Variants in ZNF283 observed in about 807,000 individuals in gnomAD.
ZNF283 encodes the protein zinc finger protein 41.
Under a neutral mutation model 9.2 loss-of-function variants are expected in ZNF283, and 10 were observed. The observed-to-expected ratio is 1.09, with a 90% CI of 0.67 to 1.85. ZNF283 has a LOEUF of 1.85. Among genes scored for constraint, ZNF283 ranks in the 40% most tolerant of loss-of-function variants. The probability of loss-of-function intolerance (pLI) is 0.00; values close to 1 mark genes in which losing one functional copy is unlikely to be tolerated. For synonymous variants in ZNF283, 234 were observed against 244.1 expected (o/e 0.96, Z 0.38); for missense variants, 631 against 760.1 (o/e 0.83, Z 2.00).
rs1327864170 is a variant in ZNF283 at position 43,848,453 on chromosome 19, C to T, written c.1852C>T (p.Gln618Ter). ...TAGTGGCTATCAACTTAGTGTTCAT[C>T]AGAGATTTCATACTGGTGAGAAGCT... ...FGSGYQLSVH[Q>*]RFHTGEKLYQ... Residue 618 changes from glutamine to a stop codon, truncating the protein, a stop_gained, in exon 7 of 7, where the codon CAG becomes TAG. Coordinates refer to ENST00000618787, the MANE Select transcript of ZNF283 (RefSeq NM_181845.2). LOFTEE classifies it low-confidence loss of function (END_TRUNC). The T allele has an allele frequency of 1.2e-6, 2 of 1,613,646 alleles. No individual in the cohort carries two copies. Among genetic ancestry groups the T allele is most frequent in the African/African-American group, 2.7e-5 (2 of 74,878 alleles).
rs1390278108 is a variant in ZNF283 at position 43,848,642 on chromosome 19, T to C, written c.*1T>C. 6.5e-7 allele frequency: 1 copy of C among 1,536,886 alleles called. No individual in the cohort carries two copies. Among genetic ancestry groups the C allele is most frequent in the East Asian group, 2.3e-5 (1 of 44,122 alleles). ...AATTGATACTGATGAAACCTTATGA[T>C]TGAAAGTTGTAAAAGAATATTTTGT... On this transcript the variant is annotated 3_prime_UTR_variant, in exon 7 of 7. Coordinates refer to ENST00000618787, the MANE Select transcript of ZNF283 (RefSeq NM_181845.2).
chr19:43,848,037 G>C lies in ZNF283; in HGVS notation c.1436G>C (p.Arg479Thr). The C allele has an allele frequency of 1.2e-6, 2 of 1,613,218 alleles. No individual in the cohort carries two copies. The highest frequency in any genetic ancestry group is 1.7e-6 in the Non-Finnish European group (2 of 1,179,772). The change falls in exon 7 of 7, where the codon AGA becomes ACA. Residue 479 changes from arginine (R) to threonine (T), a missense_variant. Arg to Thr is a moderately conservative substitution (Grantham distance 71, BLOSUM62 -1). Transcript: ENST00000618787. ...GGTTCAAGCCTTGTTAAACATGAGA[G>C]AGTTCATACTGGTGAGAAATCCCAT... Reference protein sequence around the residue: ...SWGSSLVKHERVHTGEKSHEC... With the variant: ...SWGSSLVKHETVHTGEKSHEC...
At chr19:43,845,748 A>C (rs1416727080) in intron 6 of ZNF283, among the ~76,000 whole-genome samples, 1 of 152,096 alleles carries the variant, frequency 6.6e-6, no homozygotes, top group Non-Finnish European at 1.5e-5. Context: ...ATTTTCCCTT[A>C]GCTAGCAGTC....
chr19:43,839,429 CTT>C (rs1162884876), intron 6 of ZNF283, among the ~76,000 whole-genome samples: 2 of 152,020 alleles, frequency 1.3e-5, no homozygotes, highest in African/African-American at 4.8e-5. Flanking sequence ...ATATGAATCT[CTT>C]TATCATGTCT....
intron 6 of ZNF283, among the ~76,000 whole-genome samples, chr19:43,843,469 G>A (rs1369992766): frequency 6.6e-6 from 1 of 152,198 alleles, no homozygotes; most frequent in Admixed American, 6.5e-5. Context: ...AAGTGAGCCT[G>A]TCACTTCAAA....
rs773888736 is a variant in ZNF283 at position 43,837,140 on chromosome 19, G to C, written c.298G>C (p.Asp100His). The C allele has an allele frequency of 6.2e-7, 1 of 1,613,162 alleles. No homozygotes were observed. The highest frequency in any genetic ancestry group is 8.5e-7 in the Non-Finnish European group (1 of 1,179,600). Residue 100 changes from aspartate (D) to histidine (H), a missense_variant, in exon 6 of 7, where the codon GAT becomes CAT. Coordinates refer to ENST00000618787, the MANE Select transcript of ZNF283 (RefSeq NM_181845.2). ...LDPAQRDLYV[D>H]VMLENYSNLV... ...CCCTGCTCAGAGGGACTTGTACGTGGATGTAATGTTGGAGAACTATAGTAA... is the reference window on the plus strand; with the variant it reads ...CCCTGCTCAGAGGGACTTGTACGTGCATGTAATGTTGGAGAACTATAGTAA...
At chr19:43,839,147 T>G (rs1971098316) in intron 6 of ZNF283, among the ~76,000 whole-genome samples, 1 of 152,220 alleles carries the variant, frequency 6.6e-6, no homozygotes, top group Admixed American at 6.5e-5. Context: ...AATCACCTCC[T>G]TCAGCTTTTG....
Position 43,848,706 on chromosome 19 carries a change from C to T in ZNF283, c.*65C>T, listed in dbSNP as rs1387231552. 6.2e-6 allele frequency: 9 copies of T among 1,441,246 alleles called. No homozygotes were observed. The highest frequency in any genetic ancestry group is 8.3e-6 in the Non-Finnish European group (9 of 1,084,514). The allele number at this position is 1,441,246 out of a possible 1,614,324, so 89.3% of individuals were successfully genotyped here. A position where few individuals can be genotyped will look rare whatever the true frequency, so the allele number is the denominator to read the frequency against. ...CAACTTATCATAATAAGAACTCTTA[C>T]TCTTGAGAAACCTTGTGAATGTAAG... On this transcript the variant is annotated 3_prime_UTR_variant, in exon 7 of 7. Coordinates refer to ENST00000618787, the MANE Select transcript of ZNF283 (RefSeq NM_181845.2).
rs144330727 is a variant in ZNF283 at position 43,849,587 on chromosome 19, T to G, written c.*946T>G. On this transcript the variant is annotated 3_prime_UTR_variant, in exon 7 of 7. Coordinates refer to ENST00000618787, the MANE Select transcript of ZNF283 (RefSeq NM_181845.2). ...AGAAGCCTTCCAACACTATTCAGTC[T>G]TTGTTAAACTTCAGTAAGTTCATCC... 2.0e-3 allele frequency: 302 copies of G among 152,352 alleles called. 2 individuals are homozygous for G. Among genetic ancestry groups the G allele is most frequent in the African/African-American group, 7.1e-3 (295 of 41,594 alleles). 9.4% of individuals were successfully genotyped at this position (152,352 alleles called of 1,614,324 possible). A position where few individuals can be genotyped will look rare whatever the true frequency, so the allele number is the denominator to read the frequency against.
intron 2 of ZNF283, among the ~76,000 whole-genome samples, chr19:43,830,153 T>C (rs754475550): frequency 2.0e-5 from 3 of 152,194 alleles, no homozygotes; most frequent in Admixed American, 1.3e-4. Flanking sequence ...TGGCTCACTG[T>C]AGCCTTGGCC....
At position 43,847,100 on chromosome 19, in the gene ZNF283, C is replaced by A; in HGVS notation, c.499C>A (p.Leu167Ile). 10 of 1,613,184 alleles carry A rather than the reference C, an allele frequency of 6.2e-6. No homozygotes were observed. Among genetic ancestry groups the A allele is most frequent in the Non-Finnish European group, 8.5e-6 (10 of 1,179,530 alleles). ...NWKCKSIFEG[L>I]KGHQEGYFSQ... ...GAAGTGCAAAAGCATATTCGAGGGA[C>A]TAAAAGGACATCAAGAGGGATACTT... The change falls in exon 7 of 7, where the codon CTA (leucine) becomes ATA (isoleucine). Residue 167 changes from leucine (L) to isoleucine (I), a missense_variant. Physicochemically the swap from Leu to Ile is conservative, Grantham distance 5. Coordinates refer to ENST00000618787, the MANE Select transcript of ZNF283 (RefSeq NM_181845.2).
chr19:43,835,799 G>C (rs1970951981), intron 5 of ZNF283, among the ~76,000 whole-genome samples: 2 of 152,168 alleles, frequency 1.3e-5, no homozygotes, highest in Admixed American at 1.3e-4. Flanking sequence ...GGGGAGTTAA[G>C]TGGTTCTTCC....
At chr19:43,845,276 T>C (rs976944042) in intron 6 of ZNF283, among the ~76,000 whole-genome samples, 1 of 152,282 alleles carries the variant, frequency 6.6e-6, no homozygotes, top group East Asian at 1.9e-4. Context: ...GAAACCTGAT[T>C]GTTTCTAGTA....
Position 43,828,294 on chromosome 19 carries a change from A to G in ZNF283, c.-65+13A>G, listed in dbSNP as rs1240572176. 1 of 152,160 alleles carries G rather than the reference A, an allele frequency of 6.6e-6. No individual in the cohort carries two copies. The highest frequency in any genetic ancestry group is 1.5e-5 in the Non-Finnish European group (1 of 68,042). 9.4% of individuals were successfully genotyped at this position (152,160 alleles called of 1,614,324 possible). On this transcript the variant is annotated intron_variant, in intron 2 of 6. Transcript: ENST00000618787. ...AATCAAGGTTCAGGTGAGGTTTTTT[A>G]TACATACTTTTTAAATACATACACA...
rs765645070 is a variant in ZNF283, at chr19:43,848,624, A to G, written c.2023A>G (p.Thr675Ala). ...WTTYSNEKID[T>A]DETL ...AACTTACTCAAATGAGAAAATTGAT[A>G]CTGATGAAACCTTATGATTGAAAGT... Residue 675 changes from threonine to alanine, a missense_variant, in exon 7 of 7, where the codon ACT becomes GCT. Thr to Ala is a moderately conservative substitution (Grantham distance 58, BLOSUM62 0). Coordinates refer to ENST00000618787, the MANE Select transcript of ZNF283 (RefSeq NM_181845.2). 6.4e-7 allele frequency: 1 copy of G among 1,563,834 alleles called. No individual in the cohort carries two copies. The highest frequency in any genetic ancestry group is 1.4e-5 in the African/African-American group (1 of 73,038).
Position 43,847,027 on chromosome 19 carries a change from C to T in ZNF283, c.426C>T (p.Asp142=). ...EINFSQWEMK[D]KSKTLGLEAS... is the part of the protein sequence containing the mutation. The stretch of plus-strand genomic sequence containing the variant: ...ATTTTTCCCAGTGGGAGATGAAGGA[C>T]AAAAGTAAAACCCTTGGCCTTGAGG... The change falls in exon 7 of 7, where the codon GAC becomes GAT. Residue 142 remains aspartate (D), a synonymous_variant. Transcript: ENST00000618787. 1.2e-6 allele frequency: 2 copies of T among 1,607,348 alleles called. No individual in the cohort carries two copies. The highest frequency in any genetic ancestry group is 2.2e-5 in the South Asian group (2 of 89,606).
chr19:43,845,707 T>A (rs554218585), intron 6 of ZNF283, among the ~76,000 whole-genome samples: 2 of 152,234 alleles, frequency 1.3e-5, no homozygotes, highest in Admixed American at 6.5e-5. Flanking sequence ...AATTTCCTCA[T>A]ATAGAGTGGA....
chr19:43,836,694 A>C (rs1970995465), intron 5 of ZNF283, among the ~76,000 whole-genome samples: 1 of 152,206 alleles, frequency 6.6e-6, no homozygotes, highest in Non-Finnish European at 1.5e-5. Flanking sequence ...TTTTACAAAG[A>C]ATTTATGAGG....
intron 6 of ZNF283, chr19:43,837,587 G>A (rs191671139): frequency 1.3e-4 from 35 of 264,574 alleles, no homozygotes; most frequent in Admixed American, 7.4e-4. Flanking sequence ...GCCCATTTTC[G>A]TGCAGTTTAC....
Sources: gnomAD v4.1 joint callset for allele counts (sites outside exome capture counted in the v4.1 genomes callset) on GRCh38, gnomAD v4.1.1 for gene constraint, MANE v1.5 for transcripts, NCBI Gene and HGNC (gene_info 2026-07-23, HGNC 2026-07-21) for gene names.